The following NBEAL1 variants were observed in gnomAD, a reference collection of about 807,000 sequenced individuals.
The protein encoded by NBEAL1 is neurobeachin like 1.
A neutral mutation model predicts 351.3 loss-of-function variants in NBEAL1; 273 were observed. That is an observed-to-expected ratio of 0.78 (90% CI 0.70 to 0.86). The LOEUF is 0.86. Ranked by LOEUF, NBEAL1 falls within the 40% of genes least tolerant of loss-of-function variation. The pLI is 0.00. For missense variants in NBEAL1, 2,961 were observed against 3,201.3 expected, an observed-to-expected ratio of 0.92 and a Z score of 1.81; for synonymous variants, 1,050 against 1,086.4, an observed-to-expected ratio of 0.97 and a Z score of 0.66.
rs968597470 is a variant in NBEAL1, at chr2:203,221,667, C to G, written c.*4313C>G. On this transcript the variant is annotated 3_prime_UTR_variant, in exon 56 of 56. Transcript: ENST00000683969. ...AGCAATCTTAAACATTTTCATCACTCTTTAACAAAATCCATTCTCAATATT... is the reference window on the plus strand; with the variant it reads ...AGCAATCTTAAACATTTTCATCACTGTTTAACAAAATCCATTCTCAATATT... 6.6e-6 allele frequency among the ~76,000 whole-genome samples: 1 copy of G among 152,182 alleles called. No homozygotes were observed. The highest frequency in any genetic ancestry group is 1.5e-5 in the Non-Finnish European group (1 of 68,038).
chr2:203,104,122 T>C (rs1322832378), intron 12 of NBEAL1, among the ~76,000 whole-genome samples: 1 of 152,124 alleles, frequency 6.6e-6, no homozygotes, highest in Non-Finnish European at 1.5e-5. Context: ...CTAGGTCCAT[T>C]TGGTCATGTG....
At chr2:203,149,196 G>A (rs1280832737) in intron 34 of NBEAL1, 48 bp downstream of exon 34, 1 of 1,426,890 alleles carries the variant, frequency 7.0e-7, no homozygotes, top group Non-Finnish European at 9.4e-7. Flanking sequence ...TTAGTACTCT[G>A]GTCTAGAAAT....
At chr2:203,187,184 C>T (rs1476798103) in intron 44 of NBEAL1, among the ~76,000 whole-genome samples, 1 of 151,946 alleles carries the variant, frequency 6.6e-6, no homozygotes, top group Non-Finnish European at 1.5e-5. Context: ...CCCACCTCAG[C>T]CTCCTGAGTA....
At chr2:203,071,545 A>G (rs1440824693) in intron 7 of NBEAL1, among the ~76,000 whole-genome samples, 1 of 152,138 alleles carries the variant, frequency 6.6e-6, no homozygotes, top group African/African-American at 2.4e-5. Context: ...CCCCCCATTC[A>G]TGTACTTAAC....
chr2:203,157,780 A>G lies in NBEAL1; in HGVS notation c.5669A>G (p.Asp1890Gly). The G allele has an allele frequency of 6.3e-7, 1 of 1,593,964 alleles. No individual in the cohort carries two copies. Among genetic ancestry groups the G allele is most frequent in the Non-Finnish European group, 8.5e-7 (1 of 1,170,452 alleles). ...KQVKVSDMVE[D>G]KLDLPEEDIT... Reference sequence around the variant, plus strand: ...GTAAAAGTTAGTGATATGGTGGAGGATAAATTAGACCTTCCTGAAGAGGAT... The same window carrying G: ...GTAAAAGTTAGTGATATGGTGGAGGGTAAATTAGACCTTCCTGAAGAGGAT... The change falls in exon 36 of 56, where the codon GAT (aspartate) becomes GGT (glycine). Residue 1890 changes from aspartate to glycine, a missense_variant. Physicochemically the swap from Asp to Gly is moderately conservative, Grantham distance 94. Transcript: ENST00000683969.
intron 4 of NBEAL1, among the ~76,000 whole-genome samples, chr2:203,056,206 A>G (rs1373230945): frequency 6.6e-6 from 1 of 152,268 alleles, no homozygotes; most frequent in Non-Finnish European, 1.5e-5. Context: ...ATCAGCATAT[A>G]CTTTTTAAAC....
In NBEAL1 at chr2:203,221,762, CA is replaced by C. The variant is rs1441837099; in HGVS notation, c.*4409del. On this transcript the variant is annotated 3_prime_UTR_variant, in exon 56 of 56. Transcript: ENST00000683969. ...GTTTTAAACTTGACTCCATCCAGAG[CA>C]TTGTTCTATAGAGTTTTCCTGTATT... Among the ~76,000 whole-genome samples the C allele has an allele frequency of 6.6e-6, 1 of 152,180 alleles. No individual in the cohort carries two copies. The highest frequency in any genetic ancestry group is 2.4e-5 in the African/African-American group (1 of 41,452).
Position 203,175,227 on chromosome 2 carries a change from T to C in NBEAL1, c.6404T>C (p.Met2135Thr), listed in dbSNP as rs2064462740. Residue 2135 changes from methionine (M) to threonine (T), a missense_variant, in exon 42 of 56, where the codon ATG (methionine) becomes ACG (threonine). By Grantham distance (81) the Met-to-Thr change is moderately conservative (BLOSUM62 -1). Coordinates refer to ENST00000683969, the MANE Select transcript of NBEAL1 (RefSeq NM_001378026.1). ...GTHYSNSAGV[M>T]HYLIRVEPFT... Reference sequence around the variant, plus strand: ...CACTATTCAAATTCTGCGGGGGTCATGCACTATCTCATTCGTGTAGAACCG... The same window carrying C: ...CACTATTCAAATTCTGCGGGGGTCACGCACTATCTCATTCGTGTAGAACCG... 6.2e-7 allele frequency: 1 copy of C among 1,614,048 alleles called. No homozygotes were observed. Among genetic ancestry groups the C allele is most frequent in the Non-Finnish European group, 8.5e-7 (1 of 1,179,922 alleles).
chr2:203,041,579 T>C (rs1034242968), intron 2 of NBEAL1, among the ~76,000 whole-genome samples, 186 bp from the exon 3 acceptor site: 1 of 152,176 alleles, frequency 6.6e-6, no homozygotes, highest in African/African-American at 2.4e-5. Context: ...GCTCTTTGAG[T>C]GACATGAGAA....
chr2:203,155,247 C>CAAA lies in NBEAL1; in HGVS notation c.5588-2438_5588-2436dup, dbSNP rs71226711. Among the ~76,000 whole-genome samples the CAAA allele has an allele frequency of 7.8e-4, 107 of 138,046 alleles. 1 individual carries two copies. The highest frequency in any genetic ancestry group is 3.0e-3 in the Admixed American group (41 of 13,688). 90.6% of individuals were successfully genotyped at this position (138,046 alleles called of 152,430 possible). On this transcript the variant is annotated intron_variant, in intron 35 of 55. Transcript: ENST00000683969. The stretch of plus-strand genomic sequence containing the variant: ...TGGGCAACACAGTAAAACCCTCTCT[C>CAAA]AAAAAAAAAAAAAAAATTGATTTAA...
At chr2:203,105,359 G>A (rs991012139) in intron 12 of NBEAL1, among the ~76,000 whole-genome samples, 2 of 151,892 alleles carry the variant, frequency 1.3e-5, no homozygotes, top group African/African-American at 4.8e-5. Flanking sequence ...CCAGCTACTC[G>A]GGAGGCTGAG....
chr2:203,039,581 A>T (rs2061104733), intron 2 of NBEAL1, among the ~76,000 whole-genome samples: 1 of 151,318 alleles, frequency 6.6e-6, no homozygotes, highest in African/African-American at 2.4e-5. Context: ...TTTAGTAGAG[A>T]TGGGGTTTCG....
At chr2:203,171,133 C>T (rs894758418) in intron 39 of NBEAL1, among the ~76,000 whole-genome samples, 1 of 151,956 alleles carries the variant, frequency 6.6e-6, no homozygotes, top group Non-Finnish European at 1.5e-5. Context: ...TGGTGGGTGC[C>T]TGTAATCCCA....
At chr2:203,129,122 G>T (rs1350640322) in intron 24 of NBEAL1, among the ~76,000 whole-genome samples, 1 of 152,104 alleles carries the variant, frequency 6.6e-6, no homozygotes, top group Non-Finnish European at 1.5e-5. Context: ...TTATTCTCGT[G>T]CACGTGGTAA....
intron 27 of NBEAL1, among the ~76,000 whole-genome samples, chr2:203,133,829 T>C (rs543873932): frequency 2.0e-5 from 3 of 151,568 alleles, no homozygotes; most frequent in East Asian, 3.9e-4. Flanking sequence ...AAGAAAAATA[T>C]ATATATTTGT....
intron 18 of NBEAL1, among the ~76,000 whole-genome samples, chr2:203,120,764 T>C (rs2062811561): frequency 6.6e-6 from 1 of 152,172 alleles, no homozygotes. Flanking sequence ...AGGAATGGAT[T>C]CTAGAGAGTG....
intron 12 of NBEAL1, among the ~76,000 whole-genome samples, chr2:203,103,569 G>C (rs1574972945): frequency 6.6e-6 from 1 of 152,204 alleles, no homozygotes; most frequent in Admixed American, 6.5e-5. Flanking sequence ...ATTGTGCCCG[G>C]CCTATCTTTC....
At chr2:203,111,229 G>A (rs2062564905) in intron 15 of NBEAL1, among the ~76,000 whole-genome samples, 1 of 152,046 alleles carries the variant, frequency 6.6e-6, no homozygotes, top group Non-Finnish European at 1.5e-5. Context: ...TATTCAGGAG[G>A]ATACTGGGGA....
intron 2 of NBEAL1, 27 bp downstream of exon 2, chr2:203,016,462 GT>G: frequency 7.3e-7 from 1 of 1,362,996 alleles, no homozygotes; most frequent in Non-Finnish European, 9.8e-7. Flanking sequence ...TTATTTTTAT[GT>G]TTTAAAATAC....
Sources: gnomAD v4.1 joint callset for allele counts (sites outside exome capture counted in the v4.1 genomes callset) on GRCh38, gnomAD v4.1.1 for gene constraint, MANE v1.5 for transcripts, NCBI Gene and HGNC (gene_info 2026-07-23, HGNC 2026-07-21) for gene names.